The following CYP7B1 variants were observed in gnomAD, a reference collection of about 807,000 sequenced individuals.
The protein encoded by CYP7B1 is cytochrome P450 7B1.
In CYP7B1, 29 loss-of-function variants were observed where a neutral mutation model predicts 42.7. The ratio of observed to expected loss-of-function variants is 0.68; its 90% CI spans 0.51 to 0.93. CYP7B1 has a LOEUF of 0.93. CYP7B1 is among the 40% of genes least tolerant of loss of function. The pLI, the probability that CYP7B1 is intolerant of heterozygous loss-of-function variation, is 0.00. For missense variants in CYP7B1, 655 were observed against 600.5 expected (o/e 1.09, Z -0.95); for synonymous variants, 235 against 218.2 (o/e 1.08, Z -0.68).
intron 1 of CYP7B1, among the ~76,000 whole-genome samples, chr8:64,679,936 C>T (rs1382590895): frequency 1.3e-5 from 2 of 152,030 alleles, no homozygotes; most frequent in African/African-American, 2.4e-5. Context: ...AAAACTTATC[C>T]TCTTGGCAAA....
chr8:64,703,791 A>G (rs1465006569), intron 1 of CYP7B1: 3 of 152,088 alleles, frequency 2.0e-5, no homozygotes, highest in African/African-American at 7.2e-5. Context: ...TTTAAAAAAG[A>G]GCATTTAAAT....
intron 1 of CYP7B1, among the ~76,000 whole-genome samples, chr8:64,642,115 T>C (rs1443559568): frequency 6.6e-6 from 1 of 152,210 alleles, no homozygotes; most frequent in East Asian, 1.9e-4. Context: ...CCTAGATCAA[T>C]GTTTTGCCAA....
intron 1 of CYP7B1, among the ~76,000 whole-genome samples, chr8:64,712,875 T>C (rs1306503846): frequency 6.6e-6 from 1 of 152,016 alleles, no homozygotes; most frequent in Non-Finnish European, 1.5e-5. Flanking sequence ...TGTATGATTA[T>C]ACTTTGGTTG....
intron 5 of CYP7B1, among the ~76,000 whole-genome samples, chr8:64,600,832 T>C (rs1805191742): frequency 6.6e-6 from 1 of 152,170 alleles, no homozygotes. Flanking sequence ...AATTTGTTGG[T>C]ATGGCAGAAA....
At chr8:64,652,733 A>T (rs922318626) in intron 1 of CYP7B1, among the ~76,000 whole-genome samples, 4 of 152,126 alleles carry the variant, frequency 2.6e-5, no homozygotes, top group African/African-American at 7.2e-5. Flanking sequence ...AGTCCCAGCT[A>T]CTTGGGAGGC....
At chr8:64,676,303 T>C (rs1302050234) in intron 1 of CYP7B1, among the ~76,000 whole-genome samples, 1 of 152,108 alleles carries the variant, frequency 6.6e-6, no homozygotes, top group Non-Finnish European at 1.5e-5. Flanking sequence ...TGCTTCCTGA[T>C]GACTAGATAA....
chr8:64,685,958 T>A (rs368952168), intron 1 of CYP7B1, among the ~76,000 whole-genome samples: 1 of 10,630 alleles, frequency 9.4e-5, no homozygotes, highest in Non-Finnish European at 1.8e-4. Context: ...CAGCCGCCCC[T>A]TCCGGGAGGT....
chr8:64,682,378 G>A (rs1806552053), intron 1 of CYP7B1, among the ~76,000 whole-genome samples: 1 of 152,146 alleles, frequency 6.6e-6, no homozygotes, highest in African/African-American at 2.4e-5. Flanking sequence ...TTTTAAAGTA[G>A]GAAAGTGCCT....
chr8:64,609,339 TA>T lies in CYP7B1; in HGVS notation c.1058-4483del, dbSNP rs1229403803. Among the ~76,000 whole-genome samples, 4 of 152,214 alleles carry T rather than the reference TA, an allele frequency of 2.6e-5. No individual in the cohort carries two copies. In the South Asian group the frequency reaches 8.3e-4, roughly 31 times the overall value. ...TGGCAATTTGATACTACACATTTTC[TA>T]ATTGGATAACTCCAATGATAGCATT... On this transcript the variant is annotated intron_variant, in intron 4 of 5. Transcript: ENST00000310193.
chr8:64,756,809 C>G (rs1807815125), intron 1 of CYP7B1, among the ~76,000 whole-genome samples: 1 of 152,164 alleles, frequency 6.6e-6, no homozygotes, highest in African/African-American at 2.4e-5. Context: ...GCTGTTTAAT[C>G]TTTATGTTTC....
intron 1 of CYP7B1, among the ~76,000 whole-genome samples, chr8:64,690,773 G>C (rs1806727378): frequency 6.6e-6 from 1 of 152,180 alleles, no homozygotes; most frequent in Non-Finnish European, 1.5e-5. Flanking sequence ...TCCTTTAGCT[G>C]GAACTACTTC....
intron 1 of CYP7B1, among the ~76,000 whole-genome samples, chr8:64,635,837 T>C (rs754621470): frequency 7.2e-5 from 11 of 152,176 alleles, no homozygotes; most frequent in Non-Finnish European, 1.3e-4. Context: ...CAAATAAAGC[T>C]TTGTCTGTAG....
intron 1 of CYP7B1, among the ~76,000 whole-genome samples, chr8:64,726,326 G>A (rs886828859): frequency 2.0e-5 from 3 of 152,182 alleles, no homozygotes; most frequent in Admixed American, 6.5e-5. Context: ...GATGATGTAC[G>A]TTGGGGGATA....
intron 4 of CYP7B1, among the ~76,000 whole-genome samples, chr8:64,613,490 C>T (rs139107704): frequency 3.0e-4 from 45 of 152,132 alleles, no homozygotes; most frequent in African/African-American, 1.0e-3. Flanking sequence ...TCCCAGTATG[C>T]GTCATCTTAT....
intron 1 of CYP7B1, among the ~76,000 whole-genome samples, chr8:64,695,017 TAAGC>T (rs1189631617): frequency 6.6e-6 from 1 of 152,096 alleles, no homozygotes; most frequent in Non-Finnish European, 1.5e-5. Context: ...ATAAGACATT[TAAGC>T]AAAACTCAAG....
Position 64,614,917 on chromosome 8 carries a change from T to C in CYP7B1, c.1057+109A>G, listed in dbSNP as rs770341587. The C allele has an allele frequency of 7.9e-5, 79 of 995,426 alleles. No homozygotes were observed. In the Middle Eastern group the frequency reaches 9.1e-4, roughly 11 times the overall value. 61.7% of individuals were successfully genotyped at this position (995,426 alleles called of 1,614,324 possible). On this transcript the variant is annotated intron_variant, in intron 4 of 5. Transcript: ENST00000310193. Reference sequence around the variant, plus strand: ...TAATTGATGTAAATGGGTGTTATTATGTCAATTAGGCAGCTGTGTCCTCTA... The same window carrying C: ...TAATTGATGTAAATGGGTGTTATTACGTCAATTAGGCAGCTGTGTCCTCTA...
At chr8:64,667,154 G>C (rs1806292972) in intron 1 of CYP7B1, among the ~76,000 whole-genome samples, 1 of 152,098 alleles carries the variant, frequency 6.6e-6, no homozygotes. Context: ...GAACCCAATG[G>C]GGAAAATAGA....
intron 1 of CYP7B1, among the ~76,000 whole-genome samples, chr8:64,748,821 T>C (rs1446355450): frequency 6.6e-6 from 1 of 152,156 alleles, no homozygotes; most frequent in Non-Finnish European, 1.5e-5. Flanking sequence ...ACTCAACAAA[T>C]AGTGTTGAGC....
In CYP7B1 at chr8:64,794,791, T is replaced by C. The variant is rs906534656; in HGVS notation, c.122+3675A>G. ...ATCTGTAAATATCTCAAGCTTTTCA[T>C]AGATTCACCTTGACAAAGAGTAAAA... On this transcript the variant is annotated intron_variant, in intron 1 of 5. Coordinates refer to ENST00000310193, the MANE Select transcript of CYP7B1 (RefSeq NM_004820.5). Among the ~76,000 whole-genome samples the C allele has an allele frequency of 2.0e-5, 3 of 152,228 alleles. No individual in the cohort carries two copies. The East Asian group carries it at 5.8e-4, about 29-fold the overall frequency.
Sources: allele counts gnomAD v4.1 joint callset (sites outside exome capture counted in the v4.1 genomes callset), GRCh38; gene constraint gnomAD v4.1.1; transcripts MANE v1.5; gene names NCBI Gene and HGNC (gene_info 2026-07-23, HGNC 2026-07-21).